The following PSIP1 variants were observed in gnomAD, a reference collection of about 807,000 sequenced individuals.
The protein encoded by PSIP1 is PC4 and SRSF1 interacting protein 1.
In PSIP1, 19 loss-of-function variants were observed where a neutral mutation model predicts 74.7. The observed-to-expected ratio is 0.25, with a 90% confidence interval of 0.18 to 0.37. The LOEUF (loss-of-function observed/expected upper bound fraction) is 0.37. Among genes scored for constraint, PSIP1 ranks in the 10% least tolerant of loss-of-function variants. PSIP1 has a pLI of 1.00. For synonymous variants in PSIP1, 222 were observed against 195.3 expected (o/e 1.14, Z -1.14); for missense variants, 601 against 614.3 (o/e 0.98, Z 0.23).
chr9:15,473,449 A>G (rs1289794405), intron 9 of PSIP1, among the ~76,000 whole-genome samples: 1 of 152,200 alleles, frequency 6.6e-6, no homozygotes, highest in East Asian at 1.9e-4. Flanking sequence ...ATAATTGTAA[A>G]ATAGATGAAT....
intron 4 of PSIP1, 116 bp downstream of exon 4, chr9:15,489,870 A>C (rs2036744726): frequency 2.4e-6 from 2 of 841,584 alleles, no homozygotes; most frequent in Non-Finnish European, 1.7e-6. Context: ...AAATAAGAAC[A>C]CAACAAACTA....
intron 6 of PSIP1, among the ~76,000 whole-genome samples, chr9:15,485,376 CAACA>C (rs2036516465): frequency 6.6e-6 from 1 of 152,146 alleles, no homozygotes; most frequent in Non-Finnish European, 1.5e-5. Flanking sequence ...CCATACTGCA[CAACA>C]AATAAGCCAC....
At position 15,503,978 on chromosome 9, in the gene PSIP1, C is replaced by A. The variant is rs546256300; in HGVS notation, c.149+2583G>T. Among the ~76,000 whole-genome samples the A allele has an allele frequency of 4.6e-5, 7 of 152,266 alleles. No individual in the cohort carries two copies. In the South Asian group the frequency reaches 1.4e-3, roughly 32 times the overall value. On this transcript the variant is annotated intron_variant, in intron 3 of 15. Coordinates refer to ENST00000380733, the MANE Select transcript of PSIP1 (RefSeq NM_033222.5). ...GCCAAAGTGGTCTTGAACTCCTGAC[C>A]TCGTCATCCGCCCGCTTCAGCCTCC...
At chr9:15,470,851 T>A in intron 10 of PSIP1, 1 of 1,064,074 alleles carries the variant, frequency 9.4e-7, no homozygotes, top group Non-Finnish European at 1.1e-6. Context: ...ATTTTTATAT[T>A]TTCTAGATGA....
chr9:15,482,360 T>C (rs1176153323), intron 6 of PSIP1, among the ~76,000 whole-genome samples: 2 of 152,206 alleles, frequency 1.3e-5, no homozygotes, highest in African/African-American at 4.8e-5. Context: ...CTTTACCCTA[T>C]CTGATCAGGC....
At position 15,469,920 on chromosome 9, in the gene PSIP1, G is replaced by A. The variant is rs569905895; in HGVS notation, c.1033+18C>T. ...TCCATGTATAATTTTATGTATCTTAGAAAGTGAAATAACTAACCTCGCTTC... is the reference window on the plus strand; with the variant it reads ...TCCATGTATAATTTTATGTATCTTAAAAAGTGAAATAACTAACCTCGCTTC... On this transcript the variant is annotated intron_variant, in intron 11 of 15. Coordinates refer to ENST00000380733, the MANE Select transcript of PSIP1 (RefSeq NM_033222.5). 10 of 1,592,020 alleles carry A rather than the reference G, an allele frequency of 6.3e-6. No homozygotes were observed. Among genetic ancestry groups the A allele is most frequent in the Non-Finnish European group, 6.0e-6 (7 of 1,165,222 alleles).
Position 15,510,276 on chromosome 9 carries a change from AGCTACCGGGCCCGCGGGCGGGGGAG to A in PSIP1, c.-113_-89del. 1.7e-6 allele frequency: 2 copies of A among 1,151,568 alleles called. No homozygotes were observed. Among genetic ancestry groups the A allele is most frequent in the Non-Finnish European group, 2.4e-6 (2 of 830,086 alleles). The allele number at this position is 1,151,568 out of a possible 1,614,324, so 71.3% of individuals were successfully genotyped here. ...GGATGCGGGCGGCGGACGCGGGCCC[AGCTACCGGGCCCGCGGGCGGGGGAG>A]GATGCCTCGGGGCGTCCCGACGCGC... On this transcript the variant is annotated 5_prime_UTR_variant, in exon 2 of 16. Coordinates refer to ENST00000380733, the MANE Select transcript of PSIP1 (RefSeq NM_033222.5).
chr9:15,503,665 A>G (rs1275410688), intron 3 of PSIP1, among the ~76,000 whole-genome samples: 1 of 152,052 alleles, frequency 6.6e-6, no homozygotes, highest in Admixed American at 6.5e-5. Flanking sequence ...GTCTCCAAAA[A>G]AAAAAAAACT....
intron 3 of PSIP1, chr9:15,505,836 A>C (rs2037562463): frequency 6.6e-6 from 1 of 152,264 alleles, no homozygotes; most frequent in African/African-American, 2.4e-5. Context: ...ACATAATTCT[A>C]ATCAGAATAG....
chr9:15,508,873 G>C (rs76524624), intron 2 of PSIP1, among the ~76,000 whole-genome samples: 1 of 152,098 alleles, frequency 6.6e-6, no homozygotes, highest in Non-Finnish European at 1.5e-5. Flanking sequence ...ATCACGAAAG[G>C]AATAGATTAG....
In PSIP1 at chr9:15,465,528, C is replaced by G. The variant is rs1374649979; in HGVS notation, c.1585G>C (p.Asp529His). The G allele has an allele frequency of 6.4e-7, 1 of 1,566,288 alleles. No homozygotes were observed. The highest frequency in any genetic ancestry group is 8.8e-7 in the Non-Finnish European group (1 of 1,142,248). ...TEISLKDSTL[D>H]N ...ATTCCAGGTATGTCAACCTAGTTAT[C>G]TAGTGTAGAATCCTTCAGAGATATT... Residue 529 changes from aspartate to histidine, a missense_variant, in exon 16 of 16, where the codon GAT (aspartate) becomes CAT (histidine). Asp to His is a moderately conservative substitution (Grantham distance 81). Coordinates refer to ENST00000380733, the MANE Select transcript of PSIP1 (RefSeq NM_033222.5).
chr9:15,479,950 C>T (rs1023259648), intron 6 of PSIP1, among the ~76,000 whole-genome samples: 6 of 152,018 alleles, frequency 3.9e-5, no homozygotes, highest in African/African-American at 1.2e-4. Flanking sequence ...ATTCTTGATG[C>T]GATATGGAGA....
At chr9:15,467,360 C>CA (rs2035682495) in intron 14 of PSIP1, among the ~76,000 whole-genome samples, 2 of 152,122 alleles carry the variant, frequency 1.3e-5, no homozygotes, top group Non-Finnish European at 2.9e-5. Flanking sequence ...TAAGGGGACC[C>CA]ATGTCATTCC....
rs184540926 is a variant in PSIP1 at position 15,490,268 on chromosome 9, A to C, written c.150-144T>G. ...TAAATAAGTTAAAGGGCAATTAATA[A>C]TTCCAAATACTTTTATTAAATTCAG... On this transcript the variant is annotated intron_variant, in intron 3 of 15. Transcript: ENST00000380733. 21 of 721,040 alleles carry C rather than the reference A, an allele frequency of 2.9e-5. 1 individual carries two copies. Among genetic ancestry groups the C allele is most frequent in the Middle Eastern group, 7.0e-4 (2 of 2,846 alleles). 44.7% of individuals were successfully genotyped at this position (721,040 alleles called of 1,614,324 possible).
intron 6 of PSIP1, among the ~76,000 whole-genome samples, chr9:15,484,962 C>T (rs1258353853): frequency 2.0e-5 from 3 of 148,954 alleles, no homozygotes; most frequent in Non-Finnish European, 4.5e-5. Flanking sequence ...CACACTTCTA[C>T]AGTCCCAGCT....
chr9:15,501,520 G>A (rs1298909435), intron 3 of PSIP1, among the ~76,000 whole-genome samples: 1 of 152,014 alleles, frequency 6.6e-6, no homozygotes, highest in Non-Finnish European at 1.5e-5. Flanking sequence ...GAAAACAAAA[G>A]ACCTGAGATA....
chr9:15,488,885 G>A (rs1231688810), intron 4 of PSIP1, among the ~76,000 whole-genome samples: 1 of 151,794 alleles, frequency 6.6e-6, no homozygotes, highest in Non-Finnish European at 1.5e-5. Flanking sequence ...GCCGGGTGTG[G>A]TGGCGGGCAC....
At chr9:15,479,424 T>C (rs760822799) in intron 7 of PSIP1, among the ~76,000 whole-genome samples, 167 bp downstream of exon 7, 9 of 152,204 alleles carry the variant, frequency 5.9e-5, no homozygotes, top group Non-Finnish European at 1.2e-4. Context: ...CAAATTTAAA[T>C]ACTTTGAAAC....
intron 3 of PSIP1, chr9:15,505,032 C>G (rs922907301): frequency 6.6e-6 from 1 of 151,092 alleles, no homozygotes; most frequent in Non-Finnish European, 1.5e-5. Context: ...TTTGCCTCCC[C>G]GGCTCAGGTG....
Sources: allele counts gnomAD v4.1 joint callset (sites outside exome capture counted in the v4.1 genomes callset), GRCh38; gene constraint gnomAD v4.1.1; transcripts MANE v1.5; gene names NCBI Gene and HGNC (gene_info 2026-07-23, HGNC 2026-07-21).